The following IL12RB1 variants were observed in gnomAD, a reference collection of about 807,000 sequenced individuals.
IL12RB1 encodes the protein interleukin 12 receptor subunit beta 1, also known as interleukin-12 receptor subunit beta-1.
IL12RB1 carries 64 observed loss-of-function variants against 94.4 expected under a neutral mutation model. The observed-to-expected ratio is 0.68, with a 90% CI of 0.55 to 0.83. The LOEUF (loss-of-function observed/expected upper bound fraction) is 0.83, where lower values mean the gene tolerates loss of function less well. Among genes scored for constraint, IL12RB1 ranks in the 40% least tolerant of loss-of-function variants. IL12RB1 has a pLI of 0.00. For missense variants in IL12RB1, 814 were observed against 855.6 expected (o/e 0.95, Z 0.61); for synonymous variants, 362 against 355.5 (o/e 1.02, Z -0.21).
upstream of IL12RB1, among the ~76,000 whole-genome samples, chr19:18,087,807 C>T (rs183119410): frequency 2.7e-3 from 407 of 152,034 alleles, 2 homozygotes; most frequent in Non-Finnish European, 4.2e-3. Context: ...CAGGCGTGAG[C>T]CACCGCACCG....
intron 13 of IL12RB1, among the ~76,000 whole-genome samples, chr19:18,063,295 A>C (rs558358805): frequency 6.6e-6 from 1 of 151,568 alleles, no homozygotes; most frequent in African/African-American, 2.4e-5. Flanking sequence ...ATGAGGTCTC[A>C]CCATGTTGCC....
rs11336251 is a variant in IL12RB1 at position 18,072,946 on chromosome 19, CAA to C, written c.783+569_783+570del. Among the ~76,000 whole-genome samples, 605 of 75,150 alleles carry C rather than the reference CAA, an allele frequency of 8.1e-3. 2 individuals are homozygous for C. Among genetic ancestry groups the C allele is most frequent in the African/African-American group, 0.029 (524 of 18,276 alleles). The allele number at this position is 75,150 out of a possible 152,430, so 49.3% of individuals were successfully genotyped here. ...TGGGCGACAGAGCAAGACTCCATCTCAAAAAAAAAAAAAAAAAAAGGAAAAAA... is the reference window on the plus strand; with the variant it reads ...TGGGCGACAGAGCAAGACTCCATCTCAAAAAAAAAAAAAAAAAGGAAAAAA... On this transcript the variant is annotated intron_variant, in intron 8 of 16. Transcript: ENST00000593993.
intron 1 of IL12RB1, among the ~76,000 whole-genome samples, chr19:18,097,383 G>A (rs2037036997): frequency 6.6e-6 from 1 of 151,812 alleles, no homozygotes; most frequent in Non-Finnish European, 1.5e-5. Context: ...TTGTTTAGTA[G>A]AGACAGGGTT....
At chr19:18,073,894 G>A (rs2035258459) in intron 7 of IL12RB1, among the ~76,000 whole-genome samples, 1 of 152,162 alleles carries the variant, frequency 6.6e-6, no homozygotes. Context: ...GTGCGATCTC[G>A]GCTCACTGCA....
At chr19:18,085,795 G>T (rs140929565) in intron 1 of IL12RB1, among the ~76,000 whole-genome samples, 66 of 152,056 alleles carry the variant, frequency 4.3e-4, no homozygotes, top group African/African-American at 1.5e-3. Context: ...TTTTAGTAGA[G>T]ATGGGGTTTC....
At chr19:18,086,021 G>A (rs984366641) in intron 1 of IL12RB1, among the ~76,000 whole-genome samples, 7 of 151,964 alleles carry the variant, frequency 4.6e-5, no homozygotes, top group Non-Finnish European at 1.0e-4. Context: ...TTCGAGACCA[G>A]CCTGGGCAAC....
rs187466184 is a variant in IL12RB1 at position 18,061,707 on chromosome 19, A to T, written c.1715+474T>A. Among the ~76,000 whole-genome samples the T allele has an allele frequency of 1.2e-4, 19 of 152,198 alleles. No individual in the cohort carries two copies. The East Asian group carries it at 3.7e-3, about 30-fold the overall frequency. Reference sequence around the variant, plus strand: ...GAAACCCTATCTCTACTGAAAATACAAAATAAATAGCTGGGTGTGATGGCA... The same window carrying T: ...GAAACCCTATCTCTACTGAAAATACTAAATAAATAGCTGGGTGTGATGGCA... On this transcript the variant is annotated intron_variant, in intron 14 of 16. Coordinates refer to ENST00000593993, the MANE Select transcript of IL12RB1 (RefSeq NM_005535.3).
At chr19:18,083,287 G>A in intron 2 of IL12RB1, 145 bp downstream of exon 2, 1 of 800,986 alleles carries the variant, frequency 1.2e-6, no homozygotes, top group Non-Finnish European at 2.2e-6. Context: ...GAATGGGCCA[G>A]CAGGTGGTGG....
intron 1 of IL12RB1, among the ~76,000 whole-genome samples, chr19:18,097,637 C>T (rs2037065198): frequency 6.6e-6 from 1 of 151,846 alleles, no homozygotes; most frequent in African/African-American, 2.4e-5. Context: ...GCGGGGCCAG[C>T]TCGCCCAGTG....
At chr19:18,075,248 A>G (rs2035372821) in intron 7 of IL12RB1, among the ~76,000 whole-genome samples, 1 of 139,032 alleles carries the variant, frequency 7.2e-6, no homozygotes, top group Admixed American at 7.3e-5. Flanking sequence ...TTATTTTATT[A>G]TTACTTTTTT....
At chr19:18,097,977 C>A in intron 1 of IL12RB1, 1 of 603,600 alleles carries the variant, frequency 1.7e-6, no homozygotes, top group Non-Finnish European at 2.4e-6. Context: ...TCTTTTTGAC[C>A]ACCCGCTTCT....
chr19:18,084,688 T>TA, intron 1 of IL12RB1, among the ~76,000 whole-genome samples: 2 of 141,166 alleles, frequency 1.4e-5, no homozygotes, highest in African/African-American at 6.4e-5. Flanking sequence ...CATCCATCCA[T>TA]CCATCCATCC....
At chr19:18,090,593 C>G (rs1310308148), upstream of IL12RB1, 1 of 152,318 alleles carries the variant, frequency 6.6e-6, no homozygotes, top group Non-Finnish European at 1.5e-5. Flanking sequence ...GAGACCGTGC[C>G]TCAGGGCTTC....
intron 8 of IL12RB1, among the ~76,000 whole-genome samples, chr19:18,073,128 A>C (rs867652310): frequency 2.0e-5 from 3 of 152,192 alleles, no homozygotes; most frequent in Middle Eastern, 3.4e-3. Flanking sequence ...TACTCCCTCT[A>C]TGCCTCAGTT....
At chr19:18,087,768 C>T (rs1383062163), upstream of IL12RB1, among the ~76,000 whole-genome samples, 3 of 151,958 alleles carry the variant, frequency 2.0e-5, no homozygotes, top group Non-Finnish European at 4.4e-5. Flanking sequence ...ATGATCCGTC[C>T]GCCTTGGCCT....
chr19:18,093,312 C>CA (rs201269754), intron 1 of IL12RB1, among the ~76,000 whole-genome samples: 2,866 of 144,678 alleles, frequency 0.02, 98 homozygotes, highest in African/African-American at 0.07. Flanking sequence ...GTCTCAAAAA[C>CA]AAAAAACAAA....
intron 1 of IL12RB1, among the ~76,000 whole-genome samples, 200 bp from the exon 2 acceptor site, chr19:18,083,691 A>T (rs2036078326): frequency 6.8e-6 from 1 of 147,870 alleles, no homozygotes; most frequent in Non-Finnish European, 1.5e-5. Flanking sequence ...CCATGTATTT[A>T]TTCATCCGTC....
chr19:18,072,375 G>T, intron 8 of IL12RB1, 26 bp from the exon 9 acceptor site: 1 of 1,441,586 alleles, frequency 6.9e-7, no homozygotes, highest in Non-Finnish European at 9.8e-7. Context: ...AAGACAGCTT[G>T]TGGGTACCTG....
chr19:18,093,173 C>T (rs2036712754), intron 1 of IL12RB1, among the ~76,000 whole-genome samples: 2 of 151,780 alleles, frequency 1.3e-5, no homozygotes, highest in African/African-American at 4.8e-5. Flanking sequence ...GGTGTGGTGG[C>T]AGGTGCCTGT....
Sources: allele counts gnomAD v4.1 joint callset (sites outside exome capture counted in the v4.1 genomes callset), GRCh38; gene constraint gnomAD v4.1.1; transcripts MANE v1.5; gene names NCBI Gene and HGNC (gene_info 2026-07-23, HGNC 2026-07-21).